The following ESYT3 variants were observed in gnomAD, a reference collection of about 807,000 sequenced individuals.
The protein encoded by ESYT3 is extended synaptotagmin 3, also known as extended synaptotagmin-3.
A neutral mutation model predicts 111.5 loss-of-function variants in ESYT3; 101 were observed. That is an observed-to-expected ratio of 0.91 (90% CI 0.77 to 1.07). The LOEUF is 1.07. Among genes scored for constraint, ESYT3 ranks in the 50% least tolerant of loss-of-function variants. The pLI is 0.00. For missense variants in ESYT3, 1,097 were observed against 1,109.4 expected (o/e 0.99, Z 0.16); for synonymous variants, 416 against 446.8 (o/e 0.93, Z 0.87).
chr3:138,459,799 G>A (rs928389265), intron 5 of ESYT3, 146 bp from the exon 6 acceptor site: 3 of 656,384 alleles, frequency 4.6e-6, no homozygotes, highest in East Asian at 5.4e-5. Flanking sequence ...GGTTCCTGCT[G>A]TGAGAGCAGG....
Position 138,434,775 on chromosome 3 carries a change from G to A in ESYT3, c.-24G>A, listed in dbSNP as rs775037798. On this transcript the variant is annotated 5_prime_UTR_variant, in exon 1 of 23. Transcript: ENST00000389567. ...ACCTAAGCTCGGGTGAAGCTCTCGG[G>A]AAGGGCAAGACTGCGGCGACGAGAT... 4.0e-6 allele frequency: 6 copies of A among 1,511,090 alleles called. No individual in the cohort carries two copies. The highest frequency in any genetic ancestry group is 2.6e-5 in the South Asian group (2 of 76,894). 93.6% of individuals were successfully genotyped at this position (1,511,090 alleles called of 1,614,324 possible). A position where few individuals can be genotyped will look rare whatever the true frequency, so the allele number is the denominator to read the frequency against.
chr3:138,453,049 T>C (rs192872636), intron 2 of ESYT3, among the ~76,000 whole-genome samples: 82 of 152,248 alleles, frequency 5.4e-4, no homozygotes, highest in African/African-American at 1.6e-3. Flanking sequence ...CAAGACTCCA[T>C]CTCAAAAACA....
intron 1 of ESYT3, among the ~76,000 whole-genome samples, chr3:138,442,436 A>G (rs953405766): frequency 3.3e-5 from 5 of 152,202 alleles, no homozygotes; most frequent in Non-Finnish European, 1.5e-5. Flanking sequence ...GGTTACTTCC[A>G]GGCTTTCCTG....
At chr3:138,467,645 A>C in intron 11 of ESYT3, 36 bp downstream of exon 11, 2 of 1,607,820 alleles carry the variant, frequency 1.2e-6, no homozygotes, top group African/African-American at 1.3e-5. Context: ...GGGGAGTTTC[A>C]AGGTAGCCCT....
rs2033106610 is a variant in ESYT3, at chr3:138,469,472, C to G, written c.1471C>G (p.Leu491Val). 1.2e-6 allele frequency: 2 copies of G among 1,613,906 alleles called. No homozygotes were observed. The highest frequency in any genetic ancestry group is 2.7e-5 in the African/African-American group (2 of 74,894). Residue 491 changes from leucine to valine, a missense_variant, in exon 15 of 23, where the codon CTA (leucine) becomes GTA (valine). Coordinates refer to ENST00000389567, the MANE Select transcript of ESYT3 (RefSeq NM_031913.5). Reference protein sequence around the residue: ...VSKDPSSYVKLSVGKKTHTSK... With the variant: ...VSKDPSSYVKVSVGKKTHTSK... ...CAAAGACCCTTCTTCCTATGTCAAA[C>G]TATCTGTAGGCAAGAAGACACATAC...
intron 4 of ESYT3, 73 bp downstream of exon 4, chr3:138,457,717 A>G: frequency 7.3e-7 from 1 of 1,373,180 alleles, no homozygotes; most frequent in African/African-American, 1.4e-5. Context: ...TTGAAGATGG[A>G]GTAGTATATA....
chr3:138,462,821 CCTGG>C (rs1366106351), intron 8 of ESYT3, among the ~76,000 whole-genome samples: 2 of 152,104 alleles, frequency 1.3e-5, no homozygotes, highest in African/African-American at 4.8e-5. Context: ...CACTACCACG[CCTGG>C]CTAATTTTTG....
chr3:138,464,070 A>G (rs2108619165), intron 8 of ESYT3, among the ~76,000 whole-genome samples: 1 of 152,372 alleles, frequency 6.6e-6, no homozygotes, highest in Non-Finnish European at 1.5e-5. Context: ...GGAGACAGAT[A>G]GCTGCAGTTG....
Position 138,451,171 on chromosome 3 carries a change from C to A in ESYT3, c.328-877C>A, listed in dbSNP as rs376295232. ...CAGGACTGTCCCTCCACTCCACTCA[C>A]CTTCCACTGTTCCCCCTTCCCACAC... On this transcript the variant is annotated intron_variant, in intron 1 of 22. Coordinates refer to ENST00000389567, the MANE Select transcript of ESYT3 (RefSeq NM_031913.5). Among the ~76,000 whole-genome samples, 15 of 152,366 alleles carry A rather than the reference C, an allele frequency of 9.8e-5. No homozygotes were observed. The East Asian group carries it at 2.3e-3, about 24-fold the overall frequency.
intron 2 of ESYT3, among the ~76,000 whole-genome samples, chr3:138,452,362 G>A (rs1227859572): frequency 6.6e-6 from 1 of 152,224 alleles, no homozygotes; most frequent in African/African-American, 2.4e-5. Context: ...GCCAGGAGCT[G>A]TACTTTCCTA....
rs370244933 is a variant in ESYT3, at chr3:138,478,517, C to T, written c.*1663C>T. ...ATAAGGGAATGTATCATATGTACAT[C>T]GAAACATTAGCAACCCTAAAACAGC... On this transcript the variant is annotated 3_prime_UTR_variant, in exon 23 of 23. Transcript: ENST00000389567. The T allele has an allele frequency of 3.9e-5, 6 of 152,090 alleles. No individual in the cohort carries two copies. The highest frequency in any genetic ancestry group is 5.9e-5 in the Non-Finnish European group (4 of 67,996). The allele number at this position is 152,090 out of a possible 1,614,324, so 9.4% of individuals were successfully genotyped here.
At position 138,434,925 on chromosome 3, in the gene ESYT3, C is replaced by T. The variant is rs2030518093; in HGVS notation, c.127C>T (p.Leu43=). ...GCTCTGTACCTTCGTGGTGCGCGTGCTGTTCTACCTGGGGCCTGTCTACCT... is the reference window on the plus strand; with the variant it reads ...GCTCTGTACCTTCGTGGTGCGCGTGTTGTTCTACCTGGGGCCTGTCTACCT... ...PELCTFVVRV[L]FYLGPVYLAG... The change falls in exon 1 of 23, where the codon CTG becomes TTG. Residue 43 remains leucine (L), a synonymous_variant. Coordinates refer to ENST00000389567, the MANE Select transcript of ESYT3 (RefSeq NM_031913.5). 1 of 1,552,008 alleles carries T rather than the reference C, an allele frequency of 6.4e-7. No homozygotes were observed.
At chr3:138,474,470 CAT>C (rs1005691709) in intron 20 of ESYT3, 118 bp downstream of exon 20, 2 of 1,189,574 alleles carry the variant, frequency 1.7e-6, no homozygotes, top group Non-Finnish European at 2.3e-6. Flanking sequence ...AACAAGACAA[CAT>C]AGTCTATGAC....
At chr3:138,476,569 C>A (rs555059436) in intron 22 of ESYT3, 77 bp downstream of exon 22, 1 of 1,441,578 alleles carries the variant, frequency 6.9e-7, no homozygotes. Flanking sequence ...TGTTTCAGCT[C>A]CTTTGGTTAT....
At position 138,472,672 on chromosome 3, in the gene ESYT3, A is replaced by C. The variant is rs2033285895; in HGVS notation, c.2050A>C (p.Ser684Arg). 6 of 1,614,216 alleles carry C rather than the reference A, an allele frequency of 3.7e-6. No individual in the cohort carries two copies. The highest frequency in any genetic ancestry group is 2.2e-5 in the East Asian group (1 of 44,882). Reference protein sequence around the residue: ...RFCEPIGEKKSPATIFLTVPG... With the variant: ...RFCEPIGEKKRPATIFLTVPG... ...CTGTGAGCCCATCGGGGAGAAGAAG[A>C]GTCCAGCCACCATCTTCCTGACTGT... Residue 684 changes from serine (S) to arginine (R), a missense_variant, in exon 18 of 23, where the codon AGT (serine) becomes CGT (arginine). Physicochemically the swap from Ser to Arg is moderately radical, Grantham distance 110 (BLOSUM62 -1). Transcript: ENST00000389567.
intron 19 of ESYT3, 84 bp from the exon 20 acceptor site, chr3:138,474,137 T>TCAAA (rs2033372713): frequency 1.0e-5 from 16 of 1,548,050 alleles, no homozygotes; most frequent in Middle Eastern, 1.7e-4. Context: ...TTTGAAACTC[T>TCAAA]CAAACACTGA....
intron 2 of ESYT3, 68 bp downstream of exon 2, chr3:138,452,157 C>T: frequency 1.9e-5 from 29 of 1,505,620 alleles, no homozygotes; most frequent in Non-Finnish European, 2.5e-5. Flanking sequence ...CGGCTGTCAC[C>T]CCCACAGCCT....
chr3:138,451,549 T>TG (rs1197663351), intron 1 of ESYT3, among the ~76,000 whole-genome samples: 1 of 152,262 alleles, frequency 6.6e-6, no homozygotes, highest in African/African-American at 2.4e-5. Flanking sequence ...TGTGTTATCC[T>TG]GGGGGTTTCC....
At chr3:138,439,388 G>C (rs1433564769) in intron 1 of ESYT3, among the ~76,000 whole-genome samples, 1 of 152,184 alleles carries the variant, frequency 6.6e-6, no homozygotes, top group Non-Finnish European at 1.5e-5. Flanking sequence ...CCTGGAGCCT[G>C]CTCCTGTGGG....
Sources: gnomAD v4.1 joint callset for allele counts (sites outside exome capture counted in the v4.1 genomes callset) on GRCh38, gnomAD v4.1.1 for gene constraint, MANE v1.5 for transcripts, NCBI Gene and HGNC (gene_info 2026-07-23, HGNC 2026-07-21) for gene names.